Variants in PKHD1 observed in about 807,000 individuals in gnomAD.
The protein encoded by PKHD1 is fibrocystin.
PKHD1 carries 291 observed loss-of-function variants against 412.0 expected under a neutral mutation model. The observed-to-expected ratio is 0.71, with a 90% CI of 0.64 to 0.78. The LOEUF (loss-of-function observed/expected upper bound fraction) is 0.78, where lower values mean the gene tolerates loss of function less well. Ranked by LOEUF, PKHD1 falls within the 30% of genes least tolerant of loss-of-function variation. PKHD1 has a pLI of 0.00. For synonymous variants in PKHD1, 1,777 were observed against 1,821.5 expected (o/e 0.98, Z 0.62); for missense variants, 4,825 against 4,950.7 (o/e 0.97, Z 0.76).
At chr6:52,081,581 C>T (rs923172912) in intron 4 of PKHD1, among the ~76,000 whole-genome samples, 1 of 151,798 alleles carries the variant, frequency 6.6e-6, no homozygotes, top group Non-Finnish European at 1.5e-5. Context: ...AAAATCCCTT[C>T]GGGGTGATGA....
intron 60 of PKHD1, among the ~76,000 whole-genome samples, chr6:51,705,369 G>C (rs1049701934): frequency 6.6e-6 from 1 of 152,104 alleles, no homozygotes; most frequent in African/African-American, 2.4e-5. Context: ...GAGGGGAAAA[G>C]CCCATGGCAG....
intron 63 of PKHD1, among the ~76,000 whole-genome samples, chr6:51,646,901 G>T (rs148344222): frequency 6.6e-6 from 1 of 152,044 alleles, no homozygotes; most frequent in Non-Finnish European, 1.5e-5. Flanking sequence ...GAGCAGAGTG[G>T]TCCTCTAAAC....
chr6:51,654,828 C>A (rs1302744707), intron 61 of PKHD1, among the ~76,000 whole-genome samples: 3 of 152,030 alleles, frequency 2.0e-5, no homozygotes, highest in Non-Finnish European at 4.4e-5. Context: ...TTAATGATGA[C>A]CATGAATCGT....
At chr6:51,819,249 A>G (rs1765979031) in intron 52 of PKHD1, among the ~76,000 whole-genome samples, 1 of 152,220 alleles carries the variant, frequency 6.6e-6, no homozygotes, top group African/African-American at 2.4e-5. Context: ...TATACAACCC[A>G]TATTGTCATA....
At chr6:52,065,466 A>T (rs948037661) in intron 12 of PKHD1, among the ~76,000 whole-genome samples, 7 of 152,026 alleles carry the variant, frequency 4.6e-5, no homozygotes, top group Admixed American at 1.3e-4. Flanking sequence ...CAGTGTGAGG[A>T]CACCCTTGGT....
At chr6:51,740,882 T>C (rs534221759) in intron 60 of PKHD1, among the ~76,000 whole-genome samples, 17 of 152,328 alleles carry the variant, frequency 1.1e-4, no homozygotes, top group African/African-American at 3.8e-4. Flanking sequence ...GATTCCACTG[T>C]GGGAATCCTT....
At chr6:51,816,066 A>G (rs1765410451) in intron 52 of PKHD1, among the ~76,000 whole-genome samples, 1 of 152,230 alleles carries the variant, frequency 6.6e-6, no homozygotes, top group Non-Finnish European at 1.5e-5. Flanking sequence ...CTTTTCTGGA[A>G]GGGTAAAATT....
chr6:51,897,090 C>T (rs1384135963), intron 43 of PKHD1, among the ~76,000 whole-genome samples: 1 of 151,920 alleles, frequency 6.6e-6, no homozygotes, highest in African/African-American at 2.4e-5. Flanking sequence ...AAACACTCTG[C>T]AGGATATTAT....
chr6:52,087,380 G>A (rs1296610575), intron 1 of PKHD1, 54 bp downstream of exon 1: 1 of 152,178 alleles, frequency 6.6e-6, no homozygotes, highest in African/African-American at 2.4e-5. Context: ...ACGTTAACAA[G>A]AGATACAACA....
chr6:51,934,452 T>G lies in PKHD1; in HGVS notation c.5909-130A>C, dbSNP rs1787156968. 4.2e-6 allele frequency: 3 copies of G among 714,800 alleles called. No homozygotes were observed. The South Asian group carries it at 4.6e-5, about 11-fold the overall frequency. The allele number at this position is 714,800 out of a possible 1,614,324, so 44.3% of individuals were successfully genotyped here. ...AATGTAGACTTATTTTATCATGCTC[T>G]CTCTTGTAGAAGCACAGTAGGGTAG... is the stretch of plus-strand genomic sequence containing the variant. On this transcript the variant is annotated intron_variant, in intron 36 of 66. Transcript: ENST00000371117.
At chr6:51,940,832 G>T (rs866666083) in intron 36 of PKHD1, among the ~76,000 whole-genome samples, 1 of 151,274 alleles carries the variant, frequency 6.6e-6, no homozygotes, top group Admixed American at 6.6e-5. Context: ...GGGTATTGAC[G>T]GCCAGGCTTC....
intron 55 of PKHD1, among the ~76,000 whole-genome samples, chr6:51,756,778 A>G (rs192158668): frequency 1.7e-4 from 26 of 152,142 alleles, no homozygotes; most frequent in African/African-American, 5.1e-4. Flanking sequence ...GTAGTTAGGG[A>G]AAAAAAAGTC....
At chr6:51,746,592 T>C (rs1188703275) in intron 59 of PKHD1, 129 bp downstream of exon 59, 7 of 685,292 alleles carry the variant, frequency 1.0e-5, no homozygotes, top group Admixed American at 9.0e-5. Flanking sequence ...TAAGTTAATG[T>C]ACCTTACCAT....
rs750825440 is a variant in PKHD1 at position 51,619,496 on chromosome 6, C to T, written c.11810G>A (p.Gly3937Asp). 3 of 1,613,992 alleles carry T rather than the reference C, an allele frequency of 1.9e-6. No homozygotes were observed. The highest frequency in any genetic ancestry group is 1.7e-5 in the Admixed American group (1 of 60,022). ...CTGGTGGGGGCACTGGTTCACCTTG[C>T]CCAGCATGACCTTCATTCTCATATC... ...GEDMRMKVML[G>D]KVNQCPHQLM... is the part of the protein sequence containing the mutation. Residue 3937 changes from glycine (G) to aspartate (D), a missense_variant, in exon 67 of 67, where the codon GGC becomes GAC. Transcript: ENST00000371117.
chr6:51,752,441 A>G (rs1277983990), intron 57 of PKHD1, among the ~76,000 whole-genome samples: 2 of 152,218 alleles, frequency 1.3e-5, no homozygotes, highest in Non-Finnish European at 2.9e-5. Flanking sequence ...TCTATTAACT[A>G]GAAATCTTAA....
chr6:51,776,410 C>T (rs1307140558), intron 53 of PKHD1, among the ~76,000 whole-genome samples: 4 of 151,952 alleles, frequency 2.6e-5, no homozygotes, highest in African/African-American at 9.7e-5. Context: ...GAATAGAATG[C>T]ACAAGCTGGA....
chr6:52,053,336 G>C (rs1402771731), intron 20 of PKHD1, 85 bp from the exon 21 acceptor site: 14 of 1,391,890 alleles, frequency 1.0e-5, no homozygotes, highest in Non-Finnish European at 1.4e-5. Flanking sequence ...CAACCTGGGG[G>C]GCCTGTGAGC....
At chr6:52,027,544 A>G (rs930399478) in intron 31 of PKHD1, among the ~76,000 whole-genome samples, 1 of 150,840 alleles carries the variant, frequency 6.6e-6, no homozygotes, top group African/African-American at 2.4e-5. Context: ...AAAAAAAAAA[A>G]AAAAAGAAGA....
At chr6:51,772,265 G>A (rs2151134791) in intron 55 of PKHD1, among the ~76,000 whole-genome samples, 1 of 152,036 alleles carries the variant, frequency 6.6e-6, no homozygotes, top group African/African-American at 2.4e-5. Flanking sequence ...CAATGACTCT[G>A]TTCTTTACTG....
Sources: gnomAD v4.1 joint callset for allele counts (sites outside exome capture counted in the v4.1 genomes callset) on GRCh38, gnomAD v4.1.1 for gene constraint, MANE v1.5 for transcripts, NCBI Gene and HGNC (gene_info 2026-07-23, HGNC 2026-07-21) for gene names.